Variants in PIK3R3 observed in about 807,000 individuals in gnomAD.
PIK3R3 encodes the protein phosphoinositide-3-kinase regulatory subunit 3, also known as phosphatidylinositol 3-kinase regulatory subunit gamma.
Under a neutral mutation model 62.9 loss-of-function variants are expected in PIK3R3, and 64 were observed. The ratio of observed to expected loss-of-function variants is 1.02; its 90% confidence interval spans 0.83 to 1.25. The LOEUF is 1.25. PIK3R3 is among the 50% of genes most tolerant of loss of function. The pLI, the probability that PIK3R3 is intolerant of heterozygous loss-of-function variation, is 0.00. For synonymous variants in PIK3R3, 165 were observed against 189.0 expected (o/e 0.87, Z 1.04); for missense variants, 614 against 561.6 (o/e 1.09, Z -0.94).
At chr1:46,053,905 A>G (rs1647615090) in intron 7 of PIK3R3, among the ~76,000 whole-genome samples, 1 of 152,126 alleles carries the variant, frequency 6.6e-6, no homozygotes, top group South Asian at 2.1e-4. Context: ...GACCAGAACC[A>G]CGTGAGCATT....
intron 1 of PIK3R3, among the ~76,000 whole-genome samples, chr1:46,097,822 G>GA (rs542623208): frequency 6.7e-6 from 1 of 150,368 alleles, no homozygotes; most frequent in South Asian, 2.1e-4. Flanking sequence ...CCAGGAGGGG[G>GA]AGGTTGCAGT....
intron 7 of PIK3R3, chr1:46,046,972 A>G (rs2149374128): frequency 3.5e-6 from 1 of 288,318 alleles, no homozygotes; most frequent in African/African-American, 2.2e-5. Context: ...GCATGGTGTC[A>G]CATTTGCAAT....
chr1:46,092,321 C>T (rs1201738435), intron 1 of PIK3R3, among the ~76,000 whole-genome samples: 5 of 152,170 alleles, frequency 3.3e-5, no homozygotes, highest in Admixed American at 6.5e-5. Context: ...ATAAGAATCA[C>T]ATTCCTAACC....
chr1:46,103,174 G>A (rs1297983302), intron 1 of PIK3R3, among the ~76,000 whole-genome samples: 3 of 152,184 alleles, frequency 2.0e-5, no homozygotes, highest in Non-Finnish European at 2.9e-5. Context: ...TAGGGGAAAC[G>A]ACGAGTCACT....
At chr1:46,138,598 T>G in the PIK3R3 span, among the ~76,000 whole-genome samples, 35 of 152,244 alleles carry the variant, frequency 2.3e-4, no homozygotes, top group African/African-American at 7.0e-4. Context: ...AGGTCAAGGC[T>G]GCAGTGAGCC....
At chr1:46,072,868 C>A (rs1015691785) in intron 3 of PIK3R3, among the ~76,000 whole-genome samples, 1 of 151,970 alleles carries the variant, frequency 6.6e-6, no homozygotes, top group Admixed American at 6.6e-5. Flanking sequence ...GAGGCAGGAG[C>A]CTCAAGGCTT....
chr1:46,157,382 C>G, the PIK3R3 span, among the ~76,000 whole-genome samples: 3 of 152,258 alleles, frequency 2.0e-5, no homozygotes, highest in South Asian at 4.1e-4. Flanking sequence ...ACGTGCCCAC[C>G]TCGGCCTCCC....
At chr1:46,095,345 T>G (rs941183604) in intron 1 of PIK3R3, among the ~76,000 whole-genome samples, 1 of 138,766 alleles carries the variant, frequency 7.2e-6, no homozygotes, top group Non-Finnish European at 1.6e-5. Flanking sequence ...ATGGATGGAG[T>G]TGGAAGCCAT....
intron 5 of PIK3R3, among the ~76,000 whole-genome samples, chr1:46,064,220 TAAGTAAGTAAA>T: frequency 6.7e-6 from 1 of 149,318 alleles, no homozygotes. Flanking sequence ...CTCAAAAAAA[TAAGTAAGTAAA>T]ATAAAAAATA....
intron 1 of PIK3R3, among the ~76,000 whole-genome samples, chr1:46,121,921 C>T (rs1354157617): frequency 6.6e-6 from 1 of 151,840 alleles, no homozygotes; most frequent in East Asian, 1.9e-4. Flanking sequence ...TAGCCTACTG[C>T]CTCTTTTATT....
chr1:46,046,664 ACT>A, intron 7 of PIK3R3, 39 bp from the exon 8 acceptor site: 1 of 1,412,154 alleles, frequency 7.1e-7, no homozygotes, highest in Non-Finnish European at 1.0e-6. Flanking sequence ...ATCCATGCAA[ACT>A]CTGACTGGAC....
At chr1:46,057,452 G>C (rs1022886788) in intron 6 of PIK3R3, 2 of 152,540 alleles carry the variant, frequency 1.3e-5, no homozygotes, top group African/African-American at 2.4e-5. Flanking sequence ...AACAGGCAGA[G>C]GTTGGAACAG....
chr1:46,076,917 T>A lies in PIK3R3; in HGVS notation c.314+598A>T, dbSNP rs899233909. Among the ~76,000 whole-genome samples, 2 of 152,110 alleles carry A rather than the reference T, an allele frequency of 1.3e-5. 1 individual carries two copies. Among genetic ancestry groups the A allele is most frequent in the Non-Finnish European group, 2.9e-5 (2 of 68,004 alleles). ...TTCTTTTTGTTAAATATTTCCTTTT[T>A]AAAAAAAATCATAAGGCTTTATTGT... On this transcript the variant is annotated intron_variant, in intron 3 of 9. Coordinates refer to ENST00000262741, the MANE Select transcript of PIK3R3 (RefSeq NM_003629.4).
intron 1 of PIK3R3, 85 bp from the exon 2 acceptor site, chr1:46,080,835 A>G: frequency 1.3e-6 from 1 of 790,438 alleles, no homozygotes; most frequent in Admixed American, 2.1e-5. Flanking sequence ...TAACCAAGGT[A>G]TGTTAAGATT....
the PIK3R3 span, among the ~76,000 whole-genome samples, chr1:46,140,856 TG>T: frequency 3.2e-4 from 48 of 152,086 alleles, no homozygotes; most frequent in Non-Finnish European, 5.9e-4. Flanking sequence ...TTTTGTTTTT[TG>T]TTTTTTTGTT....
At chr1:46,064,627 C>T (rs1300551109) in intron 5 of PIK3R3, among the ~76,000 whole-genome samples, 2 of 151,856 alleles carry the variant, frequency 1.3e-5, no homozygotes, top group African/African-American at 4.8e-5. Context: ...AACAACAAAA[C>T]TAATTTAAAT....
At chr1:46,097,020 G>C (rs957823138) in intron 1 of PIK3R3, among the ~76,000 whole-genome samples, 8 of 150,734 alleles carry the variant, frequency 5.3e-5, no homozygotes, top group African/African-American at 1.9e-4. Flanking sequence ...AAAACTACAG[G>C]CCAATATCCT....
At chr1:46,074,511 T>A (rs150596250) in intron 3 of PIK3R3, among the ~76,000 whole-genome samples, 1 of 152,086 alleles carries the variant, frequency 6.6e-6, no homozygotes, top group East Asian at 1.9e-4. Context: ...TAGGGGCTGC[T>A]GGGACTCAAG....
At chr1:46,116,875 C>A (rs1289261269) in intron 1 of PIK3R3, among the ~76,000 whole-genome samples, 1 of 152,034 alleles carries the variant, frequency 6.6e-6, no homozygotes, top group Non-Finnish European at 1.5e-5. Flanking sequence ...TAGGAAATCC[C>A]AACAACCTGA....
Sources: gnomAD v4.1 joint callset for allele counts (sites outside exome capture counted in the v4.1 genomes callset) on GRCh38, gnomAD v4.1.1 for gene constraint, MANE v1.5 for transcripts, NCBI Gene and HGNC (gene_info 2026-07-23, HGNC 2026-07-21) for gene names.